The following MALRD1 variants were observed in gnomAD, a reference collection of about 807,000 sequenced individuals.
The protein encoded by MALRD1 is MAM and LDL-receptor class A domain-containing protein 1.
A neutral mutation model predicts 242.1 loss-of-function variants in MALRD1; 247 were observed. That is an observed-to-expected ratio of 1.02 (90% CI 0.92 to 1.13). The LOEUF is 1.13. Among genes scored for constraint, MALRD1 ranks in the 50% most tolerant of loss-of-function variants. The probability of loss-of-function intolerance (pLI) is 0.00; values close to 1 mark genes in which losing one functional copy is unlikely to be tolerated. For missense variants in MALRD1, 2,989 were observed against 2,533.1 expected, an observed-to-expected ratio of 1.18 and a Z score of -3.86; for synonymous variants, 995 against 866.6, an observed-to-expected ratio of 1.15 and a Z score of -2.60.
intron 31 of MALRD1, among the ~76,000 whole-genome samples, chr10:19,524,830 G>A (rs1309840708): frequency 3.9e-5 from 6 of 152,018 alleles, no homozygotes. Flanking sequence ...AGTGCAGTAA[G>A]TATGATTCTT....
At chr10:19,590,979 T>A (rs1837748908) in intron 33 of MALRD1, among the ~76,000 whole-genome samples, 1 of 152,210 alleles carries the variant, frequency 6.6e-6, no homozygotes, top group African/African-American at 2.4e-5. Context: ...TATAATGACA[T>A]GTATCCACCA....
At chr10:19,105,218 A>C (rs1035232973) in intron 5 of MALRD1, among the ~76,000 whole-genome samples, 1 of 151,994 alleles carries the variant, frequency 6.6e-6, no homozygotes, top group African/African-American at 2.4e-5. Context: ...CTGTACTTCT[A>C]TAAGATAGGC....
At chr10:19,319,733 C>T (rs1156238371) in intron 21 of MALRD1, among the ~76,000 whole-genome samples, 4 of 151,902 alleles carry the variant, frequency 2.6e-5, no homozygotes, top group Non-Finnish European at 5.9e-5. Flanking sequence ...CTGGGGTCTC[C>T]TTTGTAAGAG....
intron 28 of MALRD1, among the ~76,000 whole-genome samples, chr10:19,434,449 T>G (rs970289276): frequency 6.6e-6 from 1 of 152,044 alleles, no homozygotes; most frequent in Non-Finnish European, 1.5e-5. Flanking sequence ...CATTTTATTT[T>G]TAAAAATTCA....
intron 29 of MALRD1, among the ~76,000 whole-genome samples, chr10:19,484,826 C>T (rs904648684): frequency 4.6e-5 from 7 of 152,170 alleles, no homozygotes; most frequent in Non-Finnish European, 4.4e-5. Flanking sequence ...TACTGGGTAT[C>T]TACCCAAAGG....
At chr10:19,247,217 A>C (rs1008096814) in intron 18 of MALRD1, among the ~76,000 whole-genome samples, 1 of 152,132 alleles carries the variant, frequency 6.6e-6, no homozygotes, top group Non-Finnish European at 1.5e-5. Flanking sequence ...CTACTGCCAC[A>C]TCTTCACAAA....
At chr10:19,283,238 C>T in intron 21 of MALRD1, 57 bp downstream of exon 21, 3 of 1,328,938 alleles carry the variant, frequency 2.3e-6, no homozygotes, top group South Asian at 4.2e-5. Flanking sequence ...AAGCATCTCC[C>T]AAATTTCTGC....
chr10:19,616,926 T>C (rs1276378898), intron 36 of MALRD1, among the ~76,000 whole-genome samples: 2 of 152,144 alleles, frequency 1.3e-5, no homozygotes, highest in South Asian at 2.1e-4. Context: ...AACAAAATTA[T>C]ACTTTCCCCA....
At chr10:19,424,061 T>C (rs1273845472) in intron 28 of MALRD1, among the ~76,000 whole-genome samples, 1 of 152,148 alleles carries the variant, frequency 6.6e-6, no homozygotes, top group Non-Finnish European at 1.5e-5. Flanking sequence ...TTGTTTTGAG[T>C]ATCAGTTTAA....
chr10:19,203,351 A>G (rs1278989193), intron 14 of MALRD1, among the ~76,000 whole-genome samples: 1 of 152,124 alleles, frequency 6.6e-6, no homozygotes, highest in African/African-American at 2.4e-5. Flanking sequence ...GATTTAACAT[A>G]AAATACCCTG....
intron 18 of MALRD1, among the ~76,000 whole-genome samples, chr10:19,220,981 G>A (rs912404521): frequency 3.9e-5 from 6 of 152,130 alleles, no homozygotes; most frequent in African/African-American, 1.2e-4. Flanking sequence ...ATATTCTCCA[G>A]TAGATCTCTC....
At chr10:19,531,984 C>T (rs1258151605) in intron 32 of MALRD1, among the ~76,000 whole-genome samples, 1 of 152,044 alleles carries the variant, frequency 6.6e-6, no homozygotes. Flanking sequence ...TACAATTATC[C>T]AATCCTGTTT....
intron 18 of MALRD1, among the ~76,000 whole-genome samples, chr10:19,252,279 G>A (rs1473248648): frequency 6.6e-6 from 1 of 152,016 alleles, no homozygotes; most frequent in Non-Finnish European, 1.5e-5. Context: ...CACTCATGGA[G>A]TTAAACGAAA....
chr10:19,315,826 G>A (rs1339206958), intron 21 of MALRD1, among the ~76,000 whole-genome samples: 1 of 143,526 alleles, frequency 7.0e-6, no homozygotes, highest in East Asian at 2.0e-4. Context: ...GTCCATATTA[G>A]CTGAAATTTT....
At chr10:19,420,039 C>G (rs1833659130) in intron 28 of MALRD1, among the ~76,000 whole-genome samples, 1 of 152,078 alleles carries the variant, frequency 6.6e-6, no homozygotes, top group Non-Finnish European at 1.5e-5. Flanking sequence ...CTCAGCAAGG[C>G]AAGATACTTC....
chr10:19,156,846 A>G (rs558930508), intron 12 of MALRD1, among the ~76,000 whole-genome samples: 6 of 152,192 alleles, frequency 3.9e-5, no homozygotes, highest in East Asian at 1.9e-4. Context: ...TAAATTGGTA[A>G]CTTAGTTGGG....
chr10:19,288,266 G>C (rs1297433547), intron 21 of MALRD1, among the ~76,000 whole-genome samples: 2 of 151,938 alleles, frequency 1.3e-5, no homozygotes, highest in African/African-American at 4.8e-5. Flanking sequence ...ATGGAGAGCA[G>C]GGTACCCATC....
At chr10:19,553,911 T>C (rs1443268318) in intron 32 of MALRD1, among the ~76,000 whole-genome samples, 1 of 152,212 alleles carries the variant, frequency 6.6e-6, no homozygotes, top group African/African-American at 2.4e-5. Flanking sequence ...TCTAAAGTTC[T>C]TAAATCCTTA....
chr10:19,223,238 G>T (rs1837641547), intron 18 of MALRD1, among the ~76,000 whole-genome samples: 1 of 152,018 alleles, frequency 6.6e-6, no homozygotes, highest in Non-Finnish European at 1.5e-5. Flanking sequence ...GAAATTCAAT[G>T]TTCCTGGTGG....
Sources: gnomAD v4.1 joint callset for allele counts (sites outside exome capture counted in the v4.1 genomes callset) on GRCh38, gnomAD v4.1.1 for gene constraint, MANE v1.5 for transcripts, NCBI Gene and HGNC (gene_info 2026-07-23, HGNC 2026-07-21) for gene names.